The following ASTN2 variants were observed in gnomAD, a reference collection of about 807,000 sequenced individuals.
The protein encoded by ASTN2 is astrotactin-2.
A neutral mutation model predicts 139.8 loss-of-function variants in ASTN2; 54 were observed. The observed-to-expected ratio is 0.39, with a 90% CI of 0.31 to 0.48. ASTN2 has a LOEUF of 0.48. Among genes scored for constraint, ASTN2 ranks in the 20% least tolerant of loss-of-function variants. The pLI, the probability that ASTN2 is intolerant of heterozygous loss-of-function variation, is 0.95. For missense variants in ASTN2, 1,565 were observed against 1,725.1 expected, an observed-to-expected ratio of 0.91 and a Z score of 1.64; for synonymous variants, 756 against 719.5, an observed-to-expected ratio of 1.05 and a Z score of -0.81.
chr9:117,299,480 C>T (rs189777971), intron 1 of ASTN2, among the ~76,000 whole-genome samples: 2 of 152,242 alleles, frequency 1.3e-5, no homozygotes, highest in African/African-American at 4.8e-5. Flanking sequence ...AAAGAATTGG[C>T]AAGATTTCAA....
At chr9:116,730,692 T>C (rs1828752748) in intron 14 of ASTN2, among the ~76,000 whole-genome samples, 1 of 152,202 alleles carries the variant, frequency 6.6e-6, no homozygotes, top group South Asian at 2.1e-4. Flanking sequence ...GCTGGGGGCA[T>C]TGGCAGCCAA....
At chr9:117,413,567 G>A (rs977739836) in intron 1 of ASTN2, among the ~76,000 whole-genome samples, 2 of 152,120 alleles carry the variant, frequency 1.3e-5, no homozygotes, top group African/African-American at 4.8e-5. Context: ...CAATTACCCG[G>A]GTGGGAAATC....
At position 116,889,601 on chromosome 9, in the gene ASTN2, C is replaced by T. The variant is rs1416788126; in HGVS notation, c.1890-25868G>A. Among the ~76,000 whole-genome samples, 4 of 151,804 alleles carry T rather than the reference C, an allele frequency of 2.6e-5. No individual in the cohort carries two copies. The South Asian group carries it at 8.3e-4, about 32-fold the overall frequency. On this transcript the variant is annotated intron_variant, in intron 10 of 22. Transcript: ENST00000313400. ...TGTGCCTGGTATAATAAATGTTTAG[C>T]GCCTGGTGCAGTGGTGGCTCATGCC...
rs576087077 is a variant in ASTN2, at chr9:117,253,434, G to A, written c.630+37892C>T. Among the ~76,000 whole-genome samples, 13 of 152,288 alleles carry A rather than the reference G, an allele frequency of 8.5e-5. No individual in the cohort carries two copies. In the East Asian group the frequency reaches 2.3e-3, roughly 27 times the overall value. On this transcript the variant is annotated intron_variant, in intron 2 of 22. Coordinates refer to ENST00000313400, the MANE Select transcript of ASTN2 (RefSeq NM_001365068.1). ...CATTTCCTTGGCCACCACCAAGGCTGTCTTCCTCCTACTGGAAAGCTTCCC... is the reference window on the plus strand; with the variant it reads ...CATTTCCTTGGCCACCACCAAGGCTATCTTCCTCCTACTGGAAAGCTTCCC...
chr9:116,770,796 A>G (rs1309343235), intron 13 of ASTN2, among the ~76,000 whole-genome samples: 1 of 152,144 alleles, frequency 6.6e-6, no homozygotes. Flanking sequence ...AGACTCCTCA[A>G]TAAAAAGTTC....
Position 117,187,365 on chromosome 9 carries a change from A to AGAT in ASTN2, c.1015+26990_1015+26992dup, listed in dbSNP as rs1174363352. ...GATGCAAAGGCCCTGAGATTGATGA[A>AGAT]GATGATGATGATGATGCTAAAAAAT... is the stretch of plus-strand genomic sequence containing the variant. On this transcript the variant is annotated intron_variant, in intron 3 of 22. Transcript: ENST00000313400. Among the ~76,000 whole-genome samples, 5 of 152,166 alleles carry AGAT rather than the reference A, an allele frequency of 3.3e-5. No homozygotes were observed. The South Asian group carries it at 1.0e-3, about 32-fold the overall frequency.
chr9:116,896,162 A>G (rs1035038578), intron 10 of ASTN2, among the ~76,000 whole-genome samples: 1 of 152,182 alleles, frequency 6.6e-6, no homozygotes, highest in Non-Finnish European at 1.5e-5. Flanking sequence ...GAGCTGACCC[A>G]GAGCTAAGGA....
chr9:117,215,648 C>T (rs1475586317), intron 2 of ASTN2, among the ~76,000 whole-genome samples: 1 of 152,030 alleles, frequency 6.6e-6, no homozygotes, highest in African/African-American at 2.4e-5. Context: ...GAGGTATTTT[C>T]AAAACACGTC....
chr9:116,602,249 T>A (rs1854939502), intron 19 of ASTN2, among the ~76,000 whole-genome samples: 1 of 152,190 alleles, frequency 6.6e-6, no homozygotes, highest in Non-Finnish European at 1.5e-5. Flanking sequence ...TGAACCATTG[T>A]AGGCTATACT....
At chr9:116,830,702 G>A (rs1263368008) in intron 11 of ASTN2, among the ~76,000 whole-genome samples, 3 of 149,382 alleles carry the variant, frequency 2.0e-5, no homozygotes, top group Non-Finnish European at 3.0e-5. Flanking sequence ...TGAGGTGGGA[G>A]AATCACTTGA....
At chr9:116,817,111 G>T (rs146241561) in intron 12 of ASTN2, among the ~76,000 whole-genome samples, 3 of 151,736 alleles carry the variant, frequency 2.0e-5, no homozygotes, top group Non-Finnish European at 4.4e-5. Flanking sequence ...TAGCTAACAC[G>T]CTGAAACCCC....
chr9:116,425,214 C>G lies in ASTN2; in HGVS notation c.*637G>C, dbSNP rs900951539. The G allele has an allele frequency of 3.6e-6, 1 of 274,062 alleles. No homozygotes were observed. The highest frequency in any genetic ancestry group is 6.8e-6 in the Non-Finnish European group (1 of 146,490). 17.0% of individuals were successfully genotyped at this position (274,062 alleles called of 1,614,324 possible). On this transcript the variant is annotated 3_prime_UTR_variant, in exon 23 of 23. Transcript: ENST00000313400. ...AGCACATTCCCTTGGTAAGAAATAC[C>G]ACCCAAGCAGAAAGAGAGACAATAG...
intron 16 of ASTN2, among the ~76,000 whole-genome samples, chr9:116,706,588 T>A (rs1377635421): frequency 6.6e-6 from 1 of 152,036 alleles, no homozygotes; most frequent in Non-Finnish European, 1.5e-5. Flanking sequence ...TATTTGGTCC[T>A]AATGTAACAT....
At chr9:116,941,639 T>G (rs1835233489) in intron 10 of ASTN2, among the ~76,000 whole-genome samples, 2 of 151,184 alleles carry the variant, frequency 1.3e-5, no homozygotes, top group Admixed American at 1.3e-4. Context: ...AGAATAATGC[T>G]TGACAAAATA....
chr9:117,007,066 G>A (rs574601448), intron 7 of ASTN2, among the ~76,000 whole-genome samples: 10 of 152,200 alleles, frequency 6.6e-5, no homozygotes, highest in African/African-American at 7.2e-5. Context: ...GCAGTGAGTC[G>A]AGATCACGCC....
intron 16 of ASTN2, among the ~76,000 whole-genome samples, chr9:116,715,774 T>G (rs1381236839): frequency 6.6e-6 from 1 of 152,124 alleles, no homozygotes; most frequent in East Asian, 1.9e-4. Flanking sequence ...CACCTCATAT[T>G]AGGGGCTCAA....
At chr9:117,356,778 T>G (rs1480676098) in intron 1 of ASTN2, among the ~76,000 whole-genome samples, 2 of 152,064 alleles carry the variant, frequency 1.3e-5, no homozygotes, top group Non-Finnish European at 2.9e-5. Flanking sequence ...AAGAATTGAG[T>G]ATGGGCCAAG....
chr9:117,062,740 A>G (rs757490229), intron 5 of ASTN2, among the ~76,000 whole-genome samples: 1 of 152,328 alleles, frequency 6.6e-6, no homozygotes, highest in Non-Finnish European at 1.5e-5. Flanking sequence ...CTAGCATACT[A>G]TATAGAAATA....
At chr9:116,808,644 A>G (rs1831090616) in intron 12 of ASTN2, among the ~76,000 whole-genome samples, 1 of 152,200 alleles carries the variant, frequency 6.6e-6, no homozygotes, top group African/African-American at 2.4e-5. Context: ...TTGCACATAT[A>G]TCATTGTGCC....
Sources: gnomAD v4.1 joint callset for allele counts (sites outside exome capture counted in the v4.1 genomes callset) on GRCh38, gnomAD v4.1.1 for gene constraint, MANE v1.5 for transcripts, NCBI Gene and HGNC (gene_info 2026-07-23, HGNC 2026-07-21) for gene names.